GALNS: variants seen among roughly 807,000 people sequenced by gnomAD.
GALNS encodes the protein galactosamine (N-acetyl)-6-sulfatase.
GALNS carries 65 observed loss-of-function variants against 65.9 expected under a neutral mutation model. The observed-to-expected ratio is 0.99, with a 90% CI of 0.81 to 1.21. GALNS has a LOEUF of 1.21. Among genes scored for constraint, GALNS ranks in the 50% most tolerant of loss-of-function variants. GALNS has a pLI of 0.00. For synonymous variants in GALNS, 346 were observed against 288.9 expected (o/e 1.20, Z -2.00); for missense variants, 776 against 700.7 (o/e 1.11, Z -1.21).
In GALNS at chr16:88,842,764, C is replaced by T; in HGVS notation, c.186G>A (p.Met62Ile). ...TTGGGAAAAGCAGCCCTTCTGCAGC[C>T]ATCCGGTCCAAATTCGGGGTCTCTC... The part of the protein sequence containing the change: ...PSRETPNLDR[M>I]AAEGLLFPNF... Residue 62 changes from methionine (M) to isoleucine (I), a missense_variant, in exon 2 of 14, where the codon ATG becomes ATA. Physicochemically the swap from Met to Ile is conservative, Grantham distance 10 (BLOSUM62 1). Coordinates refer to ENST00000268695, the MANE Select transcript of GALNS (RefSeq NM_000512.5). 1.2e-6 allele frequency: 2 copies of T among 1,613,114 alleles called. No homozygotes were observed. The highest frequency in any genetic ancestry group is 1.7e-6 in the Non-Finnish European group (2 of 1,179,788).
At chr16:88,825,268 G>T (rs1402941676) in intron 10 of GALNS, among the ~76,000 whole-genome samples, 6 of 135,446 alleles carry the variant, frequency 4.4e-5, no homozygotes, top group Non-Finnish European at 7.5e-5. Flanking sequence ...TGGGGTGCCT[G>T]GGTGTTTGGG....
In GALNS at chr16:88,833,190, C is replaced by T. The variant is rs917694353; in HGVS notation, c.899-1089G>A. ...TCCTGCGCTGCCATCCAACCCCGAG[C>T]GGCAGCGTGGGGAAGCCTCTGAACG... On this transcript the variant is annotated intron_variant, in intron 8 of 13. Coordinates refer to ENST00000268695, the MANE Select transcript of GALNS (RefSeq NM_000512.5). Among the ~76,000 whole-genome samples, 142 of 152,190 alleles carry T rather than the reference C, an allele frequency of 9.3e-4. 3 individuals carry two copies. The highest frequency in any genetic ancestry group is 3.5e-4 in the Non-Finnish European group (24 of 68,010).
chr16:88,817,336 C>T (rs914454888), intron 13 of GALNS: 15 of 985,418 alleles, frequency 1.5e-5, no homozygotes, highest in African/African-American at 3.5e-5. Context: ...CCGATGCTGG[C>T]GTGATGAGGC....
intron 1 of GALNS, chr16:88,843,560 C>T: frequency 4.1e-6 from 1 of 242,350 alleles, no homozygotes; most frequent in South Asian, 5.2e-5. Context: ...GCCCTCAATC[C>T]TATGACTGGG....
chr16:88,822,565 C>G (rs538971843), intron 12 of GALNS, 24 bp downstream of exon 12: 6 of 1,611,826 alleles, frequency 3.7e-6, no homozygotes, highest in Non-Finnish European at 5.1e-6. Flanking sequence ...GCCTCAGCAG[C>G]CAGGAGGCCC....
chr16:88,820,152 G>A (rs1239235774), intron 12 of GALNS, among the ~76,000 whole-genome samples: 3 of 146,704 alleles, frequency 2.0e-5, no homozygotes, highest in Non-Finnish European at 3.0e-5. Context: ...TTCTTTAGAC[G>A]GAGTCTTGCT....
At chr16:88,843,182 G>A in intron 1 of GALNS, 5 of 1,371,412 alleles carry the variant, frequency 3.6e-6, no homozygotes, top group Non-Finnish European at 4.8e-6. Context: ...GCAGGAGCTG[G>A]CCTCTAAACA....
In GALNS at chr16:88,841,021, G is replaced by A. The variant is rs754218313; in HGVS notation, c.393C>T (p.Ala131=). 4.3e-6 allele frequency: 7 copies of A among 1,613,288 alleles called. No homozygotes were observed. Among genetic ancestry groups the A allele is most frequent in the Admixed American group, 3.3e-5 (2 of 60,032 alleles). ...TGCCGACAATCTTGCTGACGTAGCC[G>A]GCCTTCTTCAGAAGCTCCGGCAGGA... is the stretch of plus-strand genomic sequence containing the variant. ...EQLLPELLKK[A]GYVSKIVGKW... The change falls in exon 4 of 14, where the codon GCC becomes GCT. Residue 131 remains alanine, a synonymous_variant. Transcript: ENST00000268695.
intron 7 of GALNS, 32 bp downstream of exon 7, chr16:88,835,693 C>T (rs748330478): frequency 1.7e-5 from 27 of 1,613,250 alleles, no homozygotes; most frequent in South Asian, 7.7e-5. Flanking sequence ...GGGCCTCCAG[C>T]GAGGTCTATG....
At chr16:88,851,862 G>A (rs542922759) in intron 1 of GALNS, among the ~76,000 whole-genome samples, 5 of 152,346 alleles carry the variant, frequency 3.3e-5, no homozygotes, top group East Asian at 1.9e-4. Flanking sequence ...AGGGAAGCTC[G>A]AACCGGGCAG....
chr16:88,851,723 G>A (rs541211528), intron 1 of GALNS, among the ~76,000 whole-genome samples: 7 of 152,294 alleles, frequency 4.6e-5, no homozygotes, highest in South Asian at 2.1e-4. Context: ...GGCCTGGCTC[G>A]GAGGGTCTCA....
At chr16:88,832,614 G>A (rs1257878067) in intron 8 of GALNS, among the ~76,000 whole-genome samples, 3 of 152,134 alleles carry the variant, frequency 2.0e-5, no homozygotes, top group African/African-American at 4.8e-5. Flanking sequence ...CGGGGCAAAG[G>A]CCATCTCAGG....
chr16:88,824,899 T>C, intron 10 of GALNS, 30 bp from the exon 11 acceptor site: 1 of 1,599,658 alleles, frequency 6.3e-7, no homozygotes, highest in Non-Finnish European at 8.6e-7. Context: ...GACCATGTAA[T>C]GACAGGAAGG....
At position 88,836,216 on chromosome 16, in the gene GALNS, G is replaced by T. The variant is rs1912125794; in HGVS notation, c.618C>A (p.Thr206=). 2 of 1,613,440 alleles carry T rather than the reference G, an allele frequency of 1.2e-6. No individual in the cohort carries two copies. Among genetic ancestry groups the T allele is most frequent in the African/African-American group, 1.3e-5 (1 of 74,928 alleles). ...TCCCCATCACCTGCAGGTAGATCTG[G>T]GTGAGGTTGGCTTCCCCCGTCTTCA... is the stretch of plus-strand genomic sequence containing the variant. ...INLKTGEANL[T]QIYLQEALDF... Residue 206 remains threonine, a synonymous_variant, in exon 6 of 14, where the codon ACC becomes ACA. Coordinates refer to ENST00000268695, the MANE Select transcript of GALNS (RefSeq NM_000512.5).
chr16:88,826,207 G>A (rs1432483522), intron 10 of GALNS, among the ~76,000 whole-genome samples: 1 of 148,320 alleles, frequency 6.7e-6, no homozygotes, highest in Non-Finnish European at 1.5e-5. Context: ...GGCAGGGGCG[G>A]CGTGTGCCCA....
rs560609603 is a variant in GALNS at position 88,833,408 on chromosome 16, T to G, written c.899-1307A>C. ...GGCTCACAGGAGGCCATGCTGTGCT[T>G]CTTCTCCTTCCCTCCCTCCCTTTCT... On this transcript the variant is annotated intron_variant, in intron 8 of 13. Coordinates refer to ENST00000268695, the MANE Select transcript of GALNS (RefSeq NM_000512.5). 5.2e-4 allele frequency among the ~76,000 whole-genome samples: 74 copies of G among 143,304 alleles called. No individual in the cohort carries two copies. In the East Asian group the frequency reaches 0.012, roughly 23 times the overall value. The allele number at this position is 143,304 out of a possible 152,430, so 94.0% of individuals were successfully genotyped here. A position where few individuals can be genotyped will look rare whatever the true frequency, so the allele number is the denominator to read the frequency against.
intron 13 of GALNS, chr16:88,815,013 G>A (rs890975263): frequency 7.1e-6 from 7 of 984,832 alleles, no homozygotes; most frequent in African/African-American, 7.0e-5. Flanking sequence ...GATTATAGGC[G>A]TGAGCCACCG....
intron 8 of GALNS, among the ~76,000 whole-genome samples, chr16:88,833,973 G>A (rs1205936594): frequency 2.0e-5 from 3 of 152,098 alleles, no homozygotes; most frequent in Non-Finnish European, 2.9e-5. Flanking sequence ...GTCGAGGTGG[G>A]CCCCCCCGGG....
At chr16:88,814,657 G>T (rs1014301497) in intron 13 of GALNS, 132 bp from the exon 14 acceptor site, 7 of 1,438,844 alleles carry the variant, frequency 4.9e-6, no homozygotes, top group Non-Finnish European at 5.7e-6. Context: ...TCAGTGGCGC[G>T]ATCTTGGCTC....
Sources: allele counts gnomAD v4.1 joint callset (sites outside exome capture counted in the v4.1 genomes callset), GRCh38; gene constraint gnomAD v4.1.1; transcripts MANE v1.5; gene names NCBI Gene and HGNC (gene_info 2026-07-23, HGNC 2026-07-21).